Variants in ADAM2 observed in about 807,000 individuals in gnomAD.
ADAM2 encodes ADAM metallopeptidase domain 2, also known as disintegrin and metalloproteinase domain-containing protein 2.
A neutral mutation model predicts 99.3 loss-of-function variants in ADAM2; 101 were observed. The observed-to-expected ratio is 1.02, with a 90% confidence interval of 0.87 to 1.20. The LOEUF (loss-of-function observed/expected upper bound fraction) is 1.20, where lower values mean the gene tolerates loss of function less well. Ranked by LOEUF, ADAM2 falls within the 50% of genes most tolerant of loss-of-function variation. The pLI is 0.00. For synonymous variants in ADAM2, 323 were observed against 287.6 expected (o/e 1.12, Z -1.25); for missense variants, 948 against 878.7 (o/e 1.08, Z -1.00).
intron 11 of ADAM2, among the ~76,000 whole-genome samples, chr8:39,775,990 A>T (rs10091156): frequency 6.6e-6 from 1 of 151,874 alleles, no homozygotes; most frequent in African/African-American, 2.4e-5. Flanking sequence ...ACAGGTCTGC[A>T]CTGCAAATCT....
intron 10 of ADAM2, among the ~76,000 whole-genome samples, chr8:39,781,190 T>A (rs146729705): frequency 6.6e-6 from 1 of 152,192 alleles, no homozygotes; most frequent in Non-Finnish European, 1.5e-5. Context: ...TGTACCCATA[T>A]GTACACATTC....
At chr8:39,829,466 C>T (rs62511208) in intron 3 of ADAM2, among the ~76,000 whole-genome samples, 11,511 of 151,944 alleles carry the variant, frequency 0.076, 493 homozygotes, top group Non-Finnish European at 0.094. Flanking sequence ...AGAGAAGTTA[C>T]TTACAGTTAG....
At chr8:39,757,088 C>G (rs1429562835) in intron 15 of ADAM2, among the ~76,000 whole-genome samples, 1 of 152,156 alleles carries the variant, frequency 6.6e-6, no homozygotes, top group East Asian at 1.9e-4. Context: ...TTTAAAACAT[C>G]TAATTTACAG....
At chr8:39,804,604 T>C (rs1353922659) in intron 7 of ADAM2, among the ~76,000 whole-genome samples, 3 of 152,094 alleles carry the variant, frequency 2.0e-5, no homozygotes, top group Non-Finnish European at 2.9e-5. Flanking sequence ...TGATGAACAA[T>C]ACTATTGAAA....
At position 39,823,482 on chromosome 8, in the gene ADAM2, C is replaced by T. The variant is rs114119669; in HGVS notation, c.267+1337G>A. On this transcript the variant is annotated intron_variant, in intron 4 of 20. Transcript: ENST00000265708. ...TTGAGATCAACTTGCAACTACTTAC[C>T]ACATTCAGATTGTTGATGCTTTGAA... Among the ~76,000 whole-genome samples the T allele has an allele frequency of 4.6e-3, 706 of 151,890 alleles. 8 individuals are homozygous for T. Among genetic ancestry groups the T allele is most frequent in the African/African-American group, 0.016 (668 of 41,438 alleles).
At chr8:39,830,588 T>C (rs1457752611) in intron 3 of ADAM2, among the ~76,000 whole-genome samples, 1 of 152,108 alleles carries the variant, frequency 6.6e-6, no homozygotes, top group Non-Finnish European at 1.5e-5. Context: ...CAGGTGAAGC[T>C]GTGGAAAGTA....
At chr8:39,772,231 CT>C (rs5891069) in intron 11 of ADAM2, among the ~76,000 whole-genome samples, 106 of 150,756 alleles carry the variant, frequency 7.0e-4, no homozygotes, top group South Asian at 3.6e-3. Context: ...TATTCTCTCA[CT>C]TTTTTTTTAT....
intron 14 of ADAM2, among the ~76,000 whole-genome samples, chr8:39,764,416 A>G (rs142782169): frequency 0.015 from 2,262 of 152,234 alleles, 20 homozygotes; most frequent in Admixed American, 0.024. Context: ...CTTCCCCTCA[A>G]AAAAGAAGGG....
rs759924367 is a variant in ADAM2, at chr8:39,821,561, A to G, written c.344+25T>C. ...TTTTGAAGTAAATATTTTATTTTGT[A>G]ATTCATAAAACAGTAAATTACAACC... On this transcript the variant is annotated intron_variant, in intron 5 of 20. Coordinates refer to ENST00000265708, the MANE Select transcript of ADAM2 (RefSeq NM_001464.5). 10 of 1,467,488 alleles carry G rather than the reference A, an allele frequency of 6.8e-6. No homozygotes were observed. In the South Asian group the frequency reaches 8.3e-5, roughly 12 times the overall value. The allele number at this position is 1,467,488 out of a possible 1,614,324, so 90.9% of individuals were successfully genotyped here.
At chr8:39,756,772 G>T (rs1345261197) in intron 15 of ADAM2, among the ~76,000 whole-genome samples, 1 of 152,198 alleles carries the variant, frequency 6.6e-6, no homozygotes, top group Non-Finnish European at 1.5e-5. Flanking sequence ...GTTGATAAAA[G>T]CTGTTCTGCA....
chr8:39,806,680 T>C (rs771581427), intron 7 of ADAM2, among the ~76,000 whole-genome samples: 5 of 152,004 alleles, frequency 3.3e-5, no homozygotes, highest in Non-Finnish European at 5.9e-5. Flanking sequence ...CCTGACTGCT[T>C]ACCCTGAAAT....
At chr8:39,834,291 A>C (rs1652538822) in intron 2 of ADAM2, among the ~76,000 whole-genome samples, 1 of 152,130 alleles carries the variant, frequency 6.6e-6, no homozygotes, top group Non-Finnish European at 1.5e-5. Context: ...TAAGAGATTT[A>C]TGGTGGAGTC....
intron 6 of ADAM2, among the ~76,000 whole-genome samples, chr8:39,813,253 T>TA (rs929433390): frequency 9.9e-5 from 15 of 152,208 alleles, no homozygotes; most frequent in Non-Finnish European, 2.1e-4. Context: ...TGGTGATCAT[T>TA]AAAAAATCAG....
chr8:39,756,310 T>G (rs1802149608), intron 15 of ADAM2, among the ~76,000 whole-genome samples: 1 of 152,204 alleles, frequency 6.6e-6, no homozygotes, highest in African/African-American at 2.4e-5. Flanking sequence ...ATTTTAAAAA[T>G]GAAGATTTCA....
At chr8:39,807,985 C>A (rs1011554763) in intron 7 of ADAM2, among the ~76,000 whole-genome samples, 1 of 152,068 alleles carries the variant, frequency 6.6e-6, no homozygotes, top group African/African-American at 2.4e-5. Flanking sequence ...TTTATTAGCA[C>A]ATTAAATGGT....
intron 14 of ADAM2, among the ~76,000 whole-genome samples, chr8:39,763,199 C>T (rs1176566051): frequency 4.6e-5 from 7 of 151,660 alleles, no homozygotes; most frequent in African/African-American, 1.7e-4. Flanking sequence ...TGATTTAGAG[C>T]TCAGTTAAGT....
At chr8:39,827,981 T>C (rs541615177) in intron 3 of ADAM2, among the ~76,000 whole-genome samples, 11 of 152,086 alleles carry the variant, frequency 7.2e-5, no homozygotes, top group African/African-American at 2.4e-4. Flanking sequence ...TTATATATAA[T>C]TTTTTCTGTT....
chr8:39,788,692 G>T lies in ADAM2; in HGVS notation c.619C>A (p.Gln207Lys). 6.3e-7 allele frequency: 1 copy of T among 1,581,532 alleles called. No homozygotes were observed. The highest frequency in any genetic ancestry group is 8.6e-7 in the Non-Finnish European group (1 of 1,162,090). ...DTTVVAQKVF[Q>K]LIGLTNAIFV... ...ACAGCATTCGTCAATCCAATCAACTGGAAAACTTTTTGAGCGACAACAGTT... is the reference window on the plus strand; with the variant it reads ...ACAGCATTCGTCAATCCAATCAACTTGAAAACTTTTTGAGCGACAACAGTT... The change falls in exon 8 of 21, where the codon CAG (glutamine) becomes AAG (lysine). Residue 207 changes from glutamine to lysine, a missense_variant. Transcript: ENST00000265708.
At position 39,758,694 on chromosome 8, in the gene ADAM2, A is replaced by C. The variant is rs115424006; in HGVS notation, c.1613+2482T>G. ...GATGAATAGCTGAATCCAGAGCAGA[A>C]GTAGAAGAAGCTCAATGCAACCTAC... On this transcript the variant is annotated intron_variant, in intron 15 of 20. Coordinates refer to ENST00000265708, the MANE Select transcript of ADAM2 (RefSeq NM_001464.5). 7.6e-3 allele frequency among the ~76,000 whole-genome samples: 1,156 copies of C among 152,230 alleles called. 15 individuals carry two copies. Among genetic ancestry groups the C allele is most frequent in the African/African-American group, 0.025 (1,057 of 41,564 alleles).
Sources: gnomAD v4.1 joint callset for allele counts (sites outside exome capture counted in the v4.1 genomes callset) on GRCh38, gnomAD v4.1.1 for gene constraint, MANE v1.5 for transcripts, NCBI Gene and HGNC (gene_info 2026-07-23, HGNC 2026-07-21) for gene names.